The following SLC6A5 variants were observed in gnomAD, a reference collection of about 807,000 sequenced individuals.
SLC6A5 encodes the protein sodium- and chloride-dependent glycine transporter 2.
In SLC6A5, 58 loss-of-function variants were observed where a neutral mutation model predicts 90.5. The ratio of observed to expected loss-of-function variants is 0.64; its 90% CI spans 0.52 to 0.80. The LOEUF is 0.80. Among genes scored for constraint, SLC6A5 ranks in the 30% least tolerant of loss-of-function variants. The probability of loss-of-function intolerance (pLI) is 0.00; values close to 1 mark genes in which losing one functional copy is unlikely to be tolerated. For missense variants in SLC6A5, 1,015 were observed against 1,017.6 expected, an observed-to-expected ratio of 1.00 and a Z score of 0.03; for synonymous variants, 427 against 401.4, an observed-to-expected ratio of 1.06 and a Z score of -0.76.
intron 14 of SLC6A5, among the ~76,000 whole-genome samples, chr11:20,651,687 C>T (rs1426429551): frequency 6.6e-6 from 1 of 151,808 alleles, no homozygotes; most frequent in East Asian, 2.0e-4. Context: ...GTGGGCAGAT[C>T]ACCTGAGGTC....
In SLC6A5 at chr11:20,637,278, T is replaced by C. The variant is rs1279300118; in HGVS notation, c.1844T>C (p.Ile615Thr). 1.9e-6 allele frequency: 3 copies of C among 1,613,222 alleles called. No individual in the cohort carries two copies. The highest frequency in any genetic ancestry group is 2.7e-5 in the African/African-American group (2 of 74,822). ...CTGGGCTGCTGCATTTGTTTCTTCA[T>C]CATGGGTTTTCCAATGATCACTCAG... ...FTLGCCICFF[I>T]MGFPMITQGG... is the part of the protein sequence containing the mutation. Residue 615 changes from isoleucine to threonine, a missense_variant, in exon 12 of 16, where the codon ATC becomes ACC. Transcript: ENST00000525748.
intron 5 of SLC6A5, 124 bp downstream of exon 5, chr11:20,607,776 A>G: frequency 1.4e-6 from 1 of 721,848 alleles, no homozygotes; most frequent in South Asian, 1.6e-5. Context: ...CAGAGATTAC[A>G]TCAAACTATC....
At chr11:20,603,431 C>T (rs1474535279) in intron 2 of SLC6A5, among the ~76,000 whole-genome samples, 1 of 152,180 alleles carries the variant, frequency 6.6e-6, no homozygotes, top group Non-Finnish European at 1.5e-5. Flanking sequence ...ACTGCTGGAG[C>T]TGGCAAGGGC....
rs1454016391 is a variant in SLC6A5, at chr11:20,642,229, A to T, written c.1969+3671A>T. On this transcript the variant is annotated intron_variant, in intron 13 of 15. Transcript: ENST00000525748. ...ATCTGTGTGCTCAGAGAGGAACCAC[A>T]CCTGGCCACCCAGGAGGGAGAGCAG... 4.8e-5 allele frequency among the ~76,000 whole-genome samples: 6 copies of T among 124,068 alleles called. No homozygotes were observed. In the Admixed American group the frequency reaches 5.0e-4, roughly 10 times the overall value. The allele number at this position is 124,068 out of a possible 152,430, so 81.4% of individuals were successfully genotyped here. A position where few individuals can be genotyped will look rare whatever the true frequency, so the allele number is the denominator to read the frequency against.
chr11:20,651,735 C>T (rs1225313948), intron 14 of SLC6A5, among the ~76,000 whole-genome samples: 1 of 151,944 alleles, frequency 6.6e-6, no homozygotes, highest in Non-Finnish European at 1.5e-5. Context: ...TGGTGAAATA[C>T]TGTCTCTACT....
intron 13 of SLC6A5, among the ~76,000 whole-genome samples, chr11:20,642,992 A>G (rs1432911640): frequency 1.3e-5 from 2 of 152,028 alleles, no homozygotes; most frequent in Non-Finnish European, 2.9e-5. Context: ...ACCCCTTCCT[A>G]CAGCTTGGGG....
In SLC6A5 at chr11:20,648,993, A is replaced by T. The variant is rs1233361904; in HGVS notation, c.2070+2059A>T. Reference sequence around the variant, plus strand: ...TAGATTTGGAGGTGACAATGCCAAGAATTGAATCCAGGACTGTCTAAGCTT... The same window carrying T: ...TAGATTTGGAGGTGACAATGCCAAGTATTGAATCCAGGACTGTCTAAGCTT... On this transcript the variant is annotated intron_variant, in intron 14 of 15. Coordinates refer to ENST00000525748, the MANE Select transcript of SLC6A5 (RefSeq NM_004211.5). Among the ~76,000 whole-genome samples the T allele has an allele frequency of 7.9e-5, 12 of 152,288 alleles. No individual in the cohort carries two copies. In the South Asian group the frequency reaches 2.5e-3, roughly 32 times the overall value.
intron 7 of SLC6A5, among the ~76,000 whole-genome samples, chr11:20,624,315 G>A (rs1400226941): frequency 3.9e-5 from 6 of 151,918 alleles, no homozygotes; most frequent in South Asian, 4.2e-4. Context: ...CACCATGCCC[G>A]GTTAATTTTT....
At chr11:20,642,603 T>C (rs1447144293) in intron 13 of SLC6A5, among the ~76,000 whole-genome samples, 1 of 152,160 alleles carries the variant, frequency 6.6e-6, no homozygotes, top group Non-Finnish European at 1.5e-5. Context: ...CTCTTGCCCA[T>C]GCTCAAGGCT....
chr11:20,629,545 T>C (rs1313706848), intron 9 of SLC6A5, among the ~76,000 whole-genome samples: 1 of 152,210 alleles, frequency 6.6e-6, no homozygotes, highest in Non-Finnish European at 1.5e-5. Flanking sequence ...ATTTATGGAG[T>C]ACAGTATGAT....
chr11:20,638,624 C>A (rs1853256203), intron 13 of SLC6A5, 66 bp downstream of exon 13: 1 of 920,038 alleles, frequency 1.1e-6, no homozygotes, highest in Non-Finnish European at 1.8e-6. Context: ...TCATGGCAAG[C>A]AGATTTCCCA....
intron 13 of SLC6A5, among the ~76,000 whole-genome samples, chr11:20,644,973 G>A (rs11025674): frequency 0.041 from 5,715 of 140,368 alleles, 366 homozygotes; most frequent in African/African-American, 0.16. Context: ...CACCATGCCC[G>A]GCTGATTTTT....
In SLC6A5 at chr11:20,654,776, G is replaced by T; in HGVS notation, c.2302G>T (p.Glu768Ter). Residue 768 changes from glutamate (E) to a stop codon, truncating the protein, a stop_gained, in exon 16 of 16, where the codon GAG (glutamate) becomes TAG (stop). Coordinates refer to ENST00000525748, the MANE Select transcript of SLC6A5 (RefSeq NM_004211.5). LOFTEE classifies it high-confidence loss of function. Reference sequence around the variant, plus strand: ...CCCATTCTTAGCTCAACACCGCGGGGAGCGTTACAAGAACATGATCGACCC... The same window carrying T: ...CCCATTCTTAGCTCAACACCGCGGGTAGCGTTACAAGAACATGATCGACCC... ...WGPFLAQHRG[E>*]RYKNMIDPLG... The T allele has an allele frequency of 6.2e-7, 1 of 1,614,136 alleles. No individual in the cohort carries two copies. The highest frequency in any genetic ancestry group is 8.5e-7 in the Non-Finnish European group (1 of 1,180,028).
In SLC6A5 at chr11:20,601,490, T is replaced by G; in HGVS notation, c.365T>G (p.Ile122Ser). 1 of 1,613,514 alleles carries G rather than the reference T, an allele frequency of 6.2e-7. No homozygotes were observed. The highest frequency in any genetic ancestry group is 1.7e-5 in the Admixed American group (1 of 59,942). ...CCCGGCAACGCGCTGCACTGTAAGA[T>G]CCCTTTTCTGCGAGGCCCGGAGGGG... The part of the protein sequence containing the change: ...SGPGNALHCK[I>S]PFLRGPEGDA... The change falls in exon 2 of 16, where the codon ATC (isoleucine) becomes AGC (serine). Residue 122 changes from isoleucine (I) to serine (S), a missense_variant. Around this residue, in one of 3 missense-constraint regions of SLC6A5, gnomAD observed 567 missense variants for 507.3 expected, o/e 1.12. Coordinates refer to ENST00000525748, the MANE Select transcript of SLC6A5 (RefSeq NM_004211.5).
Position 20,646,935 on chromosome 11 carries a change from G to T in SLC6A5, c.2070+1G>T. The T allele has an allele frequency of 6.2e-7, 1 of 1,602,774 alleles. No homozygotes were observed. ...ATTTGTAACCCCAACCATTTTAACC[G>T]TAAGGATTTTGCATGTTTTCTTGTG... On this transcript the variant is annotated splice_donor_variant, in intron 14 of 15. Coordinates refer to ENST00000525748, the MANE Select transcript of SLC6A5 (RefSeq NM_004211.5). LOFTEE classifies it high-confidence loss of function.
rs1853097728 is a variant in SLC6A5, at chr11:20,630,902, G to A, written c.1624+87G>A. On this transcript the variant is annotated intron_variant, in intron 10 of 15. Coordinates refer to ENST00000525748, the MANE Select transcript of SLC6A5 (RefSeq NM_004211.5). ...TAATTTAGACTATGCTGGGAAGCTG[G>A]CCTTCTGGAACAGGATAGAGGGTGG... The A allele has an allele frequency of 4.7e-6, 7 of 1,497,116 alleles. No individual in the cohort carries two copies. In the Admixed American group the frequency reaches 1.3e-4, roughly 27 times the overall value. 92.7% of individuals were successfully genotyped at this position (1,497,116 alleles called of 1,614,324 possible).
rs1229822958 is a variant in SLC6A5 at position 20,658,672 on chromosome 11, C to A, written c.*3804C>A. 1 of 152,196 alleles carries A rather than the reference C, an allele frequency of 6.6e-6. No homozygotes were observed. The highest frequency in any genetic ancestry group is 1.5e-5 in the Non-Finnish European group (1 of 68,028). 9.4% of individuals were successfully genotyped at this position (152,196 alleles called of 1,614,324 possible). A position where few individuals can be genotyped will look rare whatever the true frequency, so the allele number is the denominator to read the frequency against. On this transcript the variant is annotated 3_prime_UTR_variant, in exon 16 of 16. Transcript: ENST00000525748. Reference sequence around the variant, plus strand: ...GGTCTTTGCTCAGGTCACCTCTGAGCAGCCTGCAGCCAAAGAGAAAGTGTT... The same window carrying A: ...GGTCTTTGCTCAGGTCACCTCTGAGAAGCCTGCAGCCAAAGAGAAAGTGTT...
chr11:20,621,779 T>A (rs1852894265), intron 7 of SLC6A5, among the ~76,000 whole-genome samples: 1 of 152,190 alleles, frequency 6.6e-6, no homozygotes, highest in Admixed American at 6.5e-5. Context: ...CAGTTCCTCT[T>A]GTTTAGGGCC....
chr11:20,636,561 T>G (rs765237368), intron 11 of SLC6A5, 142 bp downstream of exon 11: 6 of 713,664 alleles, frequency 8.4e-6, no homozygotes, highest in Non-Finnish European at 1.3e-5. Flanking sequence ...GATGCTGAAG[T>G]GCCTGTGTAG....
Sources: gnomAD v4.1 joint callset for allele counts (sites outside exome capture counted in the v4.1 genomes callset) on GRCh38, gnomAD v4.1.1 for gene constraint, gnomAD v4.1.1 regional missense constraint, MANE v1.5 for transcripts, NCBI Gene and HGNC (gene_info 2026-07-23, HGNC 2026-07-21) for gene names.